The following TREML1 variants were observed in gnomAD, a reference collection of about 807,000 sequenced individuals.
The protein encoded by TREML1 is trem-like transcript 1 protein.
Under a neutral mutation model 22.8 loss-of-function variants are expected in TREML1, and 27 were observed. That is an observed-to-expected ratio of 1.19 (90% CI 0.87 to 1.64). The LOEUF is 1.64. Among genes scored for constraint, TREML1 ranks in the 40% most tolerant of loss-of-function variants. TREML1 has a pLI of 0.00. For missense variants in TREML1, 356 were observed against 382.0 expected (o/e 0.93, Z 0.57); for synonymous variants, 153 against 161.9 (o/e 0.94, Z 0.42).
chr6:41,151,505 C>A (rs931100961), intron 2 of TREML1, 121 bp from the exon 3 acceptor site: 13 of 821,272 alleles, frequency 1.6e-5, no homozygotes, highest in Admixed American at 1.1e-4. Context: ...AAGGAGAGGA[C>A]CCCAGGAAGA....
At chr6:41,150,338 T>C in intron 4 of TREML1, 25 bp from the exon 5 acceptor site, 1 of 1,613,028 alleles carries the variant, frequency 6.2e-7, no homozygotes. Context: ...AACAGCAGCA[T>C]AGTCTGCTTC....
intron 2 of TREML1, 24 bp from the exon 3 acceptor site, chr6:41,151,408 G>A: frequency 1.2e-6 from 2 of 1,603,874 alleles, no homozygotes; most frequent in Non-Finnish European, 1.7e-6. Context: ...AATGGAGTCA[G>A]AAGGAAACAT....
intron 2 of TREML1, among the ~76,000 whole-genome samples, chr6:41,152,702 G>A (rs1478730289): frequency 2.0e-5 from 3 of 151,906 alleles, no homozygotes; most frequent in Non-Finnish European, 4.4e-5. Flanking sequence ...ATAAAACCCC[G>A]TCTCTACTAA....
intron 2 of TREML1, among the ~76,000 whole-genome samples, chr6:41,152,086 C>T (rs1326891192): frequency 6.6e-6 from 1 of 152,152 alleles, no homozygotes; most frequent in Non-Finnish European, 1.5e-5. Context: ...CCTGGCCAGT[C>T]CTTTCAGACC....
rs769195007 is a variant in TREML1, at chr6:41,149,837, C to G, written c.703G>C (p.Asp235His). Residue 235 changes from aspartate (D) to histidine (H), a missense_variant, in exon 6 of 6, where the codon GAC becomes CAC. Asp to His is a moderately conservative substitution (Grantham distance 81). Transcript: ENST00000426005. ...GTATTGTCAAATGAAGGTGGTGAGTCAAGCCTAATGTGTGGTACATCCAAA... is the reference window on the plus strand; with the variant it reads ...GTATTGTCAAATGAAGGTGGTGAGTGAAGCCTAATGTGTGGTACATCCAAA... ...LPLDVPHIRL[D>H]SPPSFDNTTY... The G allele has an allele frequency of 3.5e-5, 56 of 1,613,972 alleles. No homozygotes were observed. The highest frequency in any genetic ancestry group is 5.0e-5 in the Admixed American group (3 of 60,000).
At chr6:41,153,161 G>A (rs1285299548) in intron 2 of TREML1, among the ~76,000 whole-genome samples, 3 of 150,950 alleles carry the variant, frequency 2.0e-5, no homozygotes, top group East Asian at 3.9e-4. Flanking sequence ...TGCAAAAACA[G>A]TGTCTTTAAT....
chr6:41,150,566 C>T (rs1765218724), intron 4 of TREML1, among the ~76,000 whole-genome samples: 1 of 152,146 alleles, frequency 6.6e-6, no homozygotes, highest in Admixed American at 6.5e-5. Flanking sequence ...TCCCCACCTT[C>T]TCCAATGCCT....
Position 41,150,140 on chromosome 6 carries a change from A to C in TREML1, c.621+121T>G, listed in dbSNP as rs780582004. Reference sequence around the variant, plus strand: ...TGTCAAGTTTACAGCATTTAGGAAGAGGGTTTGGACCCCAACTAGGTCCCA... The same window carrying C: ...TGTCAAGTTTACAGCATTTAGGAAGCGGGTTTGGACCCCAACTAGGTCCCA... On this transcript the variant is annotated intron_variant, in intron 5 of 5. Coordinates refer to ENST00000426005, the MANE Select transcript of TREML1 (RefSeq NM_178174.4). 45 of 1,152,242 alleles carry C rather than the reference A, an allele frequency of 3.9e-5. 1 individual carries two copies. Among genetic ancestry groups the C allele is most frequent in the Non-Finnish European group, 5.3e-5 (43 of 807,376 alleles). The allele number at this position is 1,152,242 out of a possible 1,614,324, so 71.4% of individuals were successfully genotyped here.
rs2113864417 is a variant in TREML1, at chr6:41,149,572, G to A, written c.*32C>T. 6.3e-7 allele frequency: 1 copy of A among 1,579,224 alleles called. No individual in the cohort carries two copies. The highest frequency in any genetic ancestry group is 1.3e-5 in the African/African-American group (1 of 74,538). The stretch of plus-strand genomic sequence containing the variant: ...ATGGATGCACAGAACCCCTAGGGAT[G>A]GTCCTCATGAGTTTAAAGTGTGATG... On this transcript the variant is annotated 3_prime_UTR_variant, in exon 6 of 6. Coordinates refer to ENST00000426005, the MANE Select transcript of TREML1 (RefSeq NM_178174.4).
At chr6:41,151,624 T>A in intron 2 of TREML1, 1 of 518,676 alleles carries the variant, frequency 1.9e-6, no homozygotes, top group South Asian at 2.3e-5. Context: ...CACCCACTTT[T>A]CCCTCTACCA....
intron 2 of TREML1, 53 bp downstream of exon 2, chr6:41,153,705 C>A (rs897437584): frequency 8.6e-6 from 13 of 1,511,562 alleles, no homozygotes; most frequent in Middle Eastern, 1.8e-4. Context: ...TGGCAATAGG[C>A]GGGGGTGGGG....
intron 3 of TREML1, 57 bp downstream of exon 3, chr6:41,151,225 G>A: frequency 6.8e-7 from 1 of 1,464,926 alleles, no homozygotes; most frequent in Non-Finnish European, 9.6e-7. Flanking sequence ...CTCTAAACAA[G>A]TCATTGTCTC....
intron 1 of TREML1, 43 bp downstream of exon 1, chr6:41,154,203 T>C (rs573215615): frequency 8.7e-6 from 14 of 1,605,544 alleles, no homozygotes; most frequent in South Asian, 7.8e-5. Flanking sequence ...GACATGGGGC[T>C]GAGCATATGG....
Position 41,149,857 on chromosome 6 carries a change from T to C in TREML1, c.683A>G (p.Asp228Gly). The C allele has an allele frequency of 3.7e-6, 6 of 1,614,052 alleles. No homozygotes were observed. The highest frequency in any genetic ancestry group is 1.6e-4 in the Middle Eastern group (1 of 6,062). Reference protein sequence around the residue: ...DSGPAAELPLDVPHIRLDSPP... With the variant: ...DSGPAAELPLGVPHIRLDSPP... ...TGAGTCAAGCCTAATGTGTGGTACA[T>C]CCAAAGGCAATTCAGCAGCCGGTCC... Residue 228 changes from aspartate (D) to glycine (G), a missense_variant, in exon 6 of 6, where the codon GAT becomes GGT. Asp to Gly is a moderately conservative substitution (Grantham distance 94). Coordinates refer to ENST00000426005, the MANE Select transcript of TREML1 (RefSeq NM_178174.4).
At chr6:41,153,668 C>T (rs1765335014) in intron 2 of TREML1, 90 bp downstream of exon 2, 1 of 1,369,892 alleles carries the variant, frequency 7.3e-7, no homozygotes, top group Non-Finnish European at 1.0e-6. Flanking sequence ...CCCCAGGGGC[C>T]CCCACTCCTC....
intron 5 of TREML1, 143 bp from the exon 6 acceptor site, chr6:41,150,061 G>T: frequency 9.6e-7 from 1 of 1,039,550 alleles, no homozygotes; most frequent in South Asian, 1.6e-5. Flanking sequence ...AGATTTTCAA[G>T]CCCCAAGTTT....
intron 2 of TREML1, 131 bp downstream of exon 2, chr6:41,153,627 G>A (rs1765333097): frequency 3.4e-6 from 3 of 894,606 alleles, no homozygotes; most frequent in East Asian, 2.5e-5. Context: ...CTGCAGAGCT[G>A]TCAAGAGGAT....
In TREML1 at chr6:41,153,855, G is replaced by T; in HGVS notation, c.279C>A (p.Thr93=). ...ACTCGCCAGCATCCTCTTCCTGCAG[G>T]GTAACCATTTCCACCTGCAGCAGGC... ...GGGLLQVEMV[T]LQEEDAGEYG... is the part of the protein sequence containing the mutation. The change falls in exon 2 of 6, where the codon ACC becomes ACA. Residue 93 remains threonine, a synonymous_variant. Transcript: ENST00000426005. 1 of 1,614,188 alleles carries T rather than the reference G, an allele frequency of 6.2e-7. No individual in the cohort carries two copies. Among genetic ancestry groups the T allele is most frequent in the Non-Finnish European group, 8.5e-7 (1 of 1,180,038 alleles).
At position 41,149,400 on chromosome 6, in the gene TREML1, G is replaced by C; in HGVS notation, c.*204C>G. 1 of 562,170 alleles carries C rather than the reference G, an allele frequency of 1.8e-6. No homozygotes were observed. Among genetic ancestry groups the C allele is most frequent in the South Asian group, 2.6e-5 (1 of 38,618 alleles). 34.8% of individuals were successfully genotyped at this position (562,170 alleles called of 1,614,324 possible). ...GTGTGTAATGGTAGAAGAACCAGTG[G>C]GGGAGTTGGGTGCAGGGAGGTCTTC... is the stretch of plus-strand genomic sequence containing the variant. On this transcript the variant is annotated 3_prime_UTR_variant, in exon 6 of 6. Transcript: ENST00000426005.
Sources: allele counts gnomAD v4.1 joint callset (sites outside exome capture counted in the v4.1 genomes callset), GRCh38; gene constraint gnomAD v4.1.1; transcripts MANE v1.5; gene names NCBI Gene and HGNC (gene_info 2026-07-23, HGNC 2026-07-21).